PCDHA1: variants seen among roughly 807,000 people sequenced by gnomAD.
The protein encoded by PCDHA1 is protocadherin alpha 1, also known as protocadherin alpha-1.
A neutral mutation model predicts 61.3 loss-of-function variants in PCDHA1; 42 were observed. That is an observed-to-expected ratio of 0.69 (90% confidence interval 0.54 to 0.89). PCDHA1 has a LOEUF of 0.89. PCDHA1 is among the 40% of genes least tolerant of loss of function. PCDHA1 has a pLI of 0.00. For missense variants in PCDHA1, 1,256 were observed against 1,235.3 expected, an observed-to-expected ratio of 1.02 and a Z score of -0.25; for synonymous variants, 610 against 553.8, an observed-to-expected ratio of 1.10 and a Z score of -1.43.
intron 1 of PCDHA1, chr5:140,829,759 G>A: frequency 6.2e-7 from 1 of 1,613,768 alleles, no homozygotes; most frequent in Non-Finnish European, 8.5e-7. Flanking sequence ...TGTTCGTGCT[G>A]GACGAGAACG....
At chr5:140,848,770 G>A in intron 1 of PCDHA1, 1 of 1,593,518 alleles carries the variant, frequency 6.3e-7, no homozygotes, top group Non-Finnish European at 8.6e-7. Flanking sequence ...CGGATCGACC[G>A]CGAGGAGCTG....
At chr5:140,962,174 C>T (rs1365738124) in intron 1 of PCDHA1, among the ~76,000 whole-genome samples, 1 of 152,100 alleles carries the variant, frequency 6.6e-6, no homozygotes, top group Admixed American at 6.6e-5. Context: ...CACACCCGGC[C>T]ACTTATATCA....
intron 1 of PCDHA1, among the ~76,000 whole-genome samples, chr5:140,950,689 A>G (rs1585383013): frequency 2.6e-5 from 4 of 152,212 alleles, no homozygotes; most frequent in Admixed American, 2.6e-4. Flanking sequence ...ATTGTTAACC[A>G]AATTTGACAA....
intron 1 of PCDHA1, chr5:140,870,789 G>T (rs1554164716): frequency 1.2e-6 from 2 of 1,613,512 alleles, no homozygotes; most frequent in East Asian, 2.2e-5. Context: ...ACAACGCGCC[G>T]GCACTGCTGG....
At position 140,884,044 on chromosome 5, in the gene PCDHA1, G is replaced by T. The variant is rs374333847; in HGVS notation, c.2395-94905G>T. On this transcript the variant is annotated intron_variant, in intron 1 of 3. Coordinates refer to ENST00000504120, the MANE Select transcript of PCDHA1 (RefSeq NM_018900.4). ...CGGTGGGTGCAGGCCACGTGGTGGC[G>T]AAGGTGCGCGCGGTGGACGCCGATT... 2.5e-6 allele frequency: 4 copies of T among 1,613,476 alleles called. No homozygotes were observed. In the South Asian group the frequency reaches 3.3e-5, roughly 13 times the overall value.
chr5:140,898,284 T>C (rs2066636432), intron 1 of PCDHA1, among the ~76,000 whole-genome samples: 1 of 152,254 alleles, frequency 6.6e-6, no homozygotes, highest in South Asian at 2.1e-4. Flanking sequence ...TTCTGAATGG[T>C]AATGCCTAGG....
At chr5:140,882,947 C>G in intron 1 of PCDHA1, 1 of 1,614,162 alleles carries the variant, frequency 6.2e-7, no homozygotes, top group Non-Finnish European at 8.5e-7. Context: ...TGGCACAGTT[C>G]AGCTGCTCAT....
chr5:140,939,673 T>C (rs1235567287), intron 1 of PCDHA1, among the ~76,000 whole-genome samples: 1 of 152,196 alleles, frequency 6.6e-6, no homozygotes, highest in African/African-American at 2.4e-5. Context: ...CCAACTTGTA[T>C]GTATGTGTGT....
intron 1 of PCDHA1, among the ~76,000 whole-genome samples, chr5:140,901,300 C>T (rs189786790): frequency 3.3e-5 from 5 of 152,176 alleles, no homozygotes; most frequent in African/African-American, 9.6e-5. Flanking sequence ...ACTGATGTTC[C>T]GGAGAGTTTC....
intron 1 of PCDHA1, among the ~76,000 whole-genome samples, chr5:140,974,516 T>G (rs533322332): frequency 2.0e-5 from 3 of 152,328 alleles, no homozygotes; most frequent in African/African-American, 7.2e-5. Context: ...TTTTATTTTA[T>G]TTTAGTTTTT....
rs1554263662 is a variant in PCDHA1 at position 141,011,810 on chromosome 5, G to A, written c.*1873G>A. The A allele has an allele frequency of 6.5e-6, 1 of 153,716 alleles. No individual in the cohort carries two copies. The highest frequency in any genetic ancestry group is 1.9e-4 in the East Asian group (1 of 5,198). 9.5% of individuals were successfully genotyped at this position (153,716 alleles called of 1,614,324 possible). ...ATGGTATCTGAAATATCAGCTCATA[G>A]AAAGTAACAAAATTTGCTGTCACCT... On this transcript the variant is annotated 3_prime_UTR_variant, in exon 4 of 4. Coordinates refer to ENST00000504120, the MANE Select transcript of PCDHA1 (RefSeq NM_018900.4).
At chr5:140,991,298 A>G (rs555776023) in intron 3 of PCDHA1, among the ~76,000 whole-genome samples, 1 of 152,288 alleles carries the variant, frequency 6.6e-6, no homozygotes, top group Non-Finnish European at 1.5e-5. Context: ...ACACATTACT[A>G]TTATCTTGTC....
intron 1 of PCDHA1, among the ~76,000 whole-genome samples, chr5:140,840,158 A>G (rs2150304038): frequency 1.3e-5 from 2 of 152,010 alleles, no homozygotes; most frequent in Admixed American, 1.3e-4. Context: ...GAAAGGAGAG[A>G]TGGGATGTAT....
chr5:140,846,663 C>T lies in PCDHA1; in HGVS notation c.2394+57979C>T, dbSNP rs182609194. ...TGCTGGGATTACAGGCATGAGCCAC[C>T]GCGCCCAGCCTAAAATGCTTTCTTA... On this transcript the variant is annotated intron_variant, in intron 1 of 3. Transcript: ENST00000504120. 1.7e-3 allele frequency among the ~76,000 whole-genome samples: 253 copies of T among 149,206 alleles called. 23 individuals carry two copies. Among genetic ancestry groups the T allele is most frequent in the Middle Eastern group, 3.5e-3 (1 of 286 alleles).
rs781874469 is a variant in PCDHA1 at position 140,967,699 on chromosome 5, T to A, written c.2395-11250T>A. On this transcript the variant is annotated intron_variant, in intron 1 of 3. Coordinates refer to ENST00000504120, the MANE Select transcript of PCDHA1 (RefSeq NM_018900.4). ...GGGAGAGGCAGCTCTTCAGCATAGA[T>A]GCCAGTACCGGGGAAGTGCGAGTAA... The A allele has an allele frequency of 1.2e-6, 2 of 1,614,154 alleles. No individual in the cohort carries two copies. Among genetic ancestry groups the A allele is most frequent in the Non-Finnish European group, 1.7e-6 (2 of 1,180,034 alleles).
chr5:140,842,561 G>A (rs2150339210), intron 1 of PCDHA1: 1 of 1,492,420 alleles, frequency 6.7e-7, no homozygotes, highest in Admixed American at 1.9e-5. Context: ...CAGCGCCCTG[G>A]ACCGCGAGAG....
At chr5:140,968,659 C>A (rs781863651) in intron 1 of PCDHA1, 6 of 1,614,160 alleles carry the variant, frequency 3.7e-6, no homozygotes, top group East Asian at 2.2e-5. Context: ...CTGACCTGGA[C>A]CTCTTTAAGG....
At chr5:140,796,285 G>T (rs782550930) in intron 1 of PCDHA1, 6 of 1,614,136 alleles carry the variant, frequency 3.7e-6, no homozygotes, top group African/African-American at 1.3e-5. Context: ...CACCACCAGC[G>T]TGTCCATCGA....
Position 140,851,538 on chromosome 5 carries a change from A to G in PCDHA1, c.2394+62854A>G. 2.2e-6 allele frequency: 2 copies of G among 905,392 alleles called. 1 individual carries two copies. The highest frequency in any genetic ancestry group is 2.7e-6 in the Non-Finnish European group (2 of 743,116). The allele number at this position is 905,392 out of a possible 1,614,324, so 56.1% of individuals were successfully genotyped here. A position where few individuals can be genotyped will look rare whatever the true frequency, so the allele number is the denominator to read the frequency against. Reference sequence around the variant, plus strand: ...TTTTAAAATGCCTGACAATGTAGATAATTCAAGAAATGTTGACTGAAATTT... The same window carrying G: ...TTTTAAAATGCCTGACAATGTAGATGATTCAAGAAATGTTGACTGAAATTT... On this transcript the variant is annotated intron_variant, in intron 1 of 3. Coordinates refer to ENST00000504120, the MANE Select transcript of PCDHA1 (RefSeq NM_018900.4).
Sources: gnomAD v4.1 joint callset for allele counts (sites outside exome capture counted in the v4.1 genomes callset) on GRCh38, gnomAD v4.1.1 for gene constraint, MANE v1.5 for transcripts, NCBI Gene and HGNC (gene_info 2026-07-23, HGNC 2026-07-21) for gene names.